Variants in KCNH8 observed in about 807,000 individuals in gnomAD.
KCNH8 encodes voltage-gated delayed rectifier potassium channel KCNH8.
In KCNH8, 70 loss-of-function variants were observed where a neutral mutation model predicts 103.6. The ratio of observed to expected loss-of-function variants is 0.68; its 90% CI spans 0.56 to 0.82. The LOEUF (loss-of-function observed/expected upper bound fraction) is 0.82, where lower values mean the gene tolerates loss of function less well. Ranked by LOEUF, KCNH8 falls within the 40% of genes least tolerant of loss-of-function variation. The probability of loss-of-function intolerance (pLI) is 0.00; values close to 1 mark genes in which losing one functional copy is unlikely to be tolerated. For synonymous variants in KCNH8, 498 were observed against 489.4 expected, an observed-to-expected ratio of 1.02 and a Z score of -0.23; for missense variants, 1,217 against 1,329.9, an observed-to-expected ratio of 0.92 and a Z score of 1.32.
intron 5 of KCNH8, among the ~76,000 whole-genome samples, chr3:19,356,544 T>G (rs2065884093): frequency 6.6e-6 from 1 of 152,066 alleles, no homozygotes; most frequent in African/African-American, 2.4e-5. Context: ...CAAGGTTGCC[T>G]GTTAGTTACA....
At chr3:19,495,665 A>G (rs1264612966) in intron 11 of KCNH8, among the ~76,000 whole-genome samples, 1 of 151,982 alleles carries the variant, frequency 6.6e-6, no homozygotes, top group Non-Finnish European at 1.5e-5. Context: ...CTTTTTGCTT[A>G]GGATTGCCTT....
At chr3:19,261,506 G>T (rs567941436) in intron 2 of KCNH8, among the ~76,000 whole-genome samples, 52 of 151,752 alleles carry the variant, frequency 3.4e-4, no homozygotes, top group African/African-American at 1.2e-3. Flanking sequence ...CCTCATCTTC[G>T]ATGTGTGGTT....
At chr3:19,176,786 T>A (rs1190289310) in intron 1 of KCNH8, among the ~76,000 whole-genome samples, 4 of 152,168 alleles carry the variant, frequency 2.6e-5, no homozygotes, top group Admixed American at 2.6e-4. Flanking sequence ...TTTGTGTTAG[T>A]TATGCTCTAT....
intron 11 of KCNH8, among the ~76,000 whole-genome samples, chr3:19,480,019 T>A (rs1379162633): frequency 6.6e-6 from 1 of 152,214 alleles, no homozygotes; most frequent in Non-Finnish European, 1.5e-5. Context: ...CAGCTGTAGA[T>A]AATGTTCCTG....
chr3:19,155,310 A>G (rs1300990250), intron 1 of KCNH8, among the ~76,000 whole-genome samples: 1 of 152,166 alleles, frequency 6.6e-6, no homozygotes, highest in Non-Finnish European at 1.5e-5. Flanking sequence ...TACTGCAGAA[A>G]TGCCCTAATT....
intron 1 of KCNH8, among the ~76,000 whole-genome samples, chr3:19,184,694 A>C (rs2063486361): frequency 6.6e-6 from 1 of 151,974 alleles, no homozygotes; most frequent in Admixed American, 6.6e-5. Context: ...GGTATTTTTC[A>C]AATGCATTTG....
At chr3:19,277,435 A>G (rs565140021) in intron 2 of KCNH8, among the ~76,000 whole-genome samples, 1 of 152,156 alleles carries the variant, frequency 6.6e-6, no homozygotes, top group South Asian at 2.1e-4. Context: ...GTGGTGGTGC[A>G]CGTCTGTAGT....
intron 1 of KCNH8, among the ~76,000 whole-genome samples, chr3:19,172,122 A>G (rs1207861889): frequency 6.6e-6 from 1 of 152,144 alleles, no homozygotes; most frequent in Non-Finnish European, 1.5e-5. Flanking sequence ...TACTTTGACT[A>G]CCTTCCTGGG....
chr3:19,498,040 T>A (rs755159432), intron 11 of KCNH8, among the ~76,000 whole-genome samples: 2 of 152,210 alleles, frequency 1.3e-5, no homozygotes, highest in African/African-American at 4.8e-5. Flanking sequence ...GTCTGTTTTG[T>A]CTGAAATTAT....
In KCNH8 at chr3:19,533,429, G is replaced by A. The variant is rs772824016; in HGVS notation, c.2654G>A (p.Gly885Asp). Residue 885 changes from glycine to aspartate, a missense_variant, in exon 16 of 16, where the codon GGT becomes GAT. Gly to Asp is a moderately conservative substitution (Grantham distance 94). Around this residue, in one of 3 missense-constraint regions of KCNH8, gnomAD observed 558 missense variants for 495.8 expected, o/e 1.13. Transcript: ENST00000328405. ...TTLTQEVSQL[G>D]KDMRNVIQLL... The stretch of plus-strand genomic sequence containing the variant: ...TTGACTCAGGAAGTTTCTCAGTTGG[G>A]TAAAGACATGAGAAATGTGATCCAG... The A allele has an allele frequency of 3.1e-6, 5 of 1,614,030 alleles. No individual in the cohort carries two copies. Among genetic ancestry groups the A allele is most frequent in the Middle Eastern group, 1.7e-4 (1 of 6,060 alleles).
chr3:19,281,755 G>A (rs2064759894), intron 3 of KCNH8, among the ~76,000 whole-genome samples: 1 of 152,052 alleles, frequency 6.6e-6, no homozygotes, highest in African/African-American at 2.4e-5. Context: ...ACAAAGTTAA[G>A]AACTCTAGCT....
At chr3:19,159,960 A>T (rs1343109619) in intron 1 of KCNH8, among the ~76,000 whole-genome samples, 1 of 152,142 alleles carries the variant, frequency 6.6e-6, no homozygotes, top group African/African-American at 2.4e-5. Flanking sequence ...TTGGTATTAA[A>T]AAAATCCTAC....
At chr3:19,231,956 T>G (rs1369090382) in intron 1 of KCNH8, among the ~76,000 whole-genome samples, 3 of 152,206 alleles carry the variant, frequency 2.0e-5, no homozygotes, top group African/African-American at 4.8e-5. Context: ...TGCCGCGAGT[T>G]TTGAGACCTG....
At chr3:19,202,349 T>C (rs1474722642) in intron 1 of KCNH8, among the ~76,000 whole-genome samples, 1 of 152,160 alleles carries the variant, frequency 6.6e-6, no homozygotes, top group African/African-American at 2.4e-5. Context: ...TAATTTGAAC[T>C]AGTAGTTTGT....
rs1304288296 is a variant in KCNH8, at chr3:19,342,627, C to T, written c.483C>T (p.Asp161=). 2.0e-5 allele frequency: 32 copies of T among 1,610,948 alleles called. No homozygotes were observed. Among genetic ancestry groups the T allele is most frequent in the Non-Finnish European group, 2.6e-5 (31 of 1,177,912 alleles). ...KGRSRAGTHF[D]SARRRSRAVL... is the part of the protein sequence containing the mutation. Reference sequence around the variant, plus strand: ...GATCAAGAGCAGGGACCCACTTTGACTCAGCCCGGAGACGGAGTCGAGCAG... The same window carrying T: ...GATCAAGAGCAGGGACCCACTTTGATTCAGCCCGGAGACGGAGTCGAGCAG... The change falls in exon 4 of 16, where the codon GAC becomes GAT. Residue 161 remains aspartate, a synonymous_variant. Transcript: ENST00000328405.
At chr3:19,484,699 G>A (rs1388900705) in intron 11 of KCNH8, among the ~76,000 whole-genome samples, 1 of 151,842 alleles carries the variant, frequency 6.6e-6, no homozygotes, top group African/African-American at 2.4e-5. Context: ...GGCTGTAAAG[G>A]GGCTACGTTC....
chr3:19,377,379 A>G (rs775566581), intron 5 of KCNH8, among the ~76,000 whole-genome samples: 3 of 152,190 alleles, frequency 2.0e-5, no homozygotes, highest in Non-Finnish European at 4.4e-5. Flanking sequence ...CACATGGTCA[A>G]TTTCAGGTAA....
At chr3:19,284,848 C>T (rs2064808277) in intron 3 of KCNH8, among the ~76,000 whole-genome samples, 1 of 141,694 alleles carries the variant, frequency 7.1e-6, no homozygotes, top group East Asian at 2.0e-4. Flanking sequence ...TCTTGGCTGG[C>T]AGTTAAATAT....
At chr3:19,398,929 G>T (rs1185719468) in intron 7 of KCNH8, among the ~76,000 whole-genome samples, 1 of 151,930 alleles carries the variant, frequency 6.6e-6, no homozygotes, top group African/African-American at 2.4e-5. Flanking sequence ...GTTTAGTTTG[G>T]TGCTGGACAA....
Sources: allele counts gnomAD v4.1 joint callset (sites outside exome capture counted in the v4.1 genomes callset), GRCh38; gene constraint gnomAD v4.1.1; regional missense constraint gnomAD v4.1.1; transcripts MANE v1.5; gene names NCBI Gene and HGNC (gene_info 2026-07-23, HGNC 2026-07-21).